The following DHRS12 variants were observed in gnomAD, a reference collection of about 807,000 sequenced individuals.
DHRS12 encodes dehydrogenase/reductase SDR family member 12.
A neutral mutation model predicts 32.1 loss-of-function variants in DHRS12; 29 were observed. The observed-to-expected ratio is 0.90, with a 90% CI of 0.67 to 1.23. The LOEUF is 1.23. Among genes scored for constraint, DHRS12 ranks in the 50% most tolerant of loss-of-function variants. The pLI is 0.00. For synonymous variants in DHRS12, 150 were observed against 135.9 expected, an observed-to-expected ratio of 1.10 and a Z score of -0.72; for missense variants, 330 against 337.2, an observed-to-expected ratio of 0.98 and a Z score of 0.17.
the DHRS12 span, among the ~76,000 whole-genome samples, chr13:51,757,136 C>A: frequency 6.6e-6 from 1 of 152,096 alleles, no homozygotes; most frequent in African/African-American, 2.4e-5. Context: ...CCTTCCAGCA[C>A]CTTGTATTAC....
At chr13:51,799,298 A>G (rs1955646992) in intron 2 of DHRS12, among the ~76,000 whole-genome samples, 1 of 152,158 alleles carries the variant, frequency 6.6e-6, no homozygotes, top group East Asian at 1.9e-4. Context: ...AAACACTGGG[A>G]CACGTGGGCA....
intron 2 of DHRS12, chr13:51,797,885 G>T (rs774083307): frequency 7.2e-6 from 11 of 1,535,906 alleles, no homozygotes; most frequent in Non-Finnish European, 9.6e-6. Context: ...GCTTGATCTC[G>T]ACAAACCAGG....
rs76157480 is a variant in DHRS12 at position 51,790,224 on chromosome 13, G to A, written c.220-132C>T. ...AGTGACAATGACAATTTGCTCAACT[G>A]ATTCTTTACTCCAAACCCTTTGCAG... On this transcript the variant is annotated intron_variant, in intron 3 of 8. Transcript: ENST00000444610. 17 of 650,996 alleles carry A rather than the reference G, an allele frequency of 2.6e-5. No individual in the cohort carries two copies. The African/African-American group carries it at 2.6e-4, about 10-fold the overall frequency. The allele number at this position is 650,996 out of a possible 1,614,324, so 40.3% of individuals were successfully genotyped here. A position where few individuals can be genotyped will look rare whatever the true frequency, so the allele number is the denominator to read the frequency against.
Position 51,768,014 on chromosome 13 carries a change from G to T in DHRS12, c.*173C>A. On this transcript the variant is annotated 3_prime_UTR_variant, in exon 9 of 9. Coordinates refer to ENST00000444610, the MANE Select transcript of DHRS12 (RefSeq NM_001377533.1). ...GGAGTTCAAGGTGAGCCTGATCACA[G>T]CCTCGGTAGTATTTATTTTGAAATA... is the stretch of plus-strand genomic sequence containing the variant. 2 of 1,421,180 alleles carry T rather than the reference G, an allele frequency of 1.4e-6. No individual in the cohort carries two copies. The highest frequency in any genetic ancestry group is 1.8e-6 in the Non-Finnish European group (2 of 1,091,900). 88.0% of individuals were successfully genotyped at this position (1,421,180 alleles called of 1,614,324 possible). A position where few individuals can be genotyped will look rare whatever the true frequency, so the allele number is the denominator to read the frequency against.
rs562616967 is a variant in DHRS12 at position 51,802,685 on chromosome 13, G to T, written c.-9+1369C>A. Among the ~76,000 whole-genome samples the T allele has an allele frequency of 3.9e-5, 6 of 152,230 alleles. No homozygotes were observed. The South Asian group carries it at 8.3e-4, about 21-fold the overall frequency. On this transcript the variant is annotated intron_variant, in intron 1 of 8. Transcript: ENST00000444610. ...TAAAAATCCTTGTGCCAAGAGAAACGTTGTAAACTCTAACTCCGCGCTCTC... is the reference window on the plus strand; with the variant it reads ...TAAAAATCCTTGTGCCAAGAGAAACTTTGTAAACTCTAACTCCGCGCTCTC...
chr13:51,784,428 G>A (rs1168175306), intron 4 of DHRS12, among the ~76,000 whole-genome samples: 2 of 152,188 alleles, frequency 1.3e-5, no homozygotes, highest in Non-Finnish European at 2.9e-5. Context: ...CCAGTGCCAA[G>A]TTCCAAAATA....
the DHRS12 span, chr13:51,758,216 T>C: frequency 1.3e-6 from 2 of 1,589,100 alleles, no homozygotes; most frequent in Non-Finnish European, 1.7e-6. Context: ...CCACCTTCCA[T>C]GACAGTAAAC....
chr13:51,777,360 G>T (rs993284888), intron 4 of DHRS12: 17 of 528,910 alleles, frequency 3.2e-5, no homozygotes, highest in African/African-American at 3.0e-4. Flanking sequence ...CACACTACAG[G>T]AATACAGGAA....
Position 51,786,442 on chromosome 13 carries a change from T to C in DHRS12, c.301+3569A>G, listed in dbSNP as rs569823892. 3.3e-5 allele frequency among the ~76,000 whole-genome samples: 5 copies of C among 152,206 alleles called. No homozygotes were observed. In the South Asian group the frequency reaches 1.0e-3, roughly 32 times the overall value. ...ACTGAATGCTAACAGGCAAAACGTA[T>C]GTGACTGGAGGAGACCTGAAACAAA... On this transcript the variant is annotated intron_variant, in intron 4 of 8. Coordinates refer to ENST00000444610, the MANE Select transcript of DHRS12 (RefSeq NM_001377533.1).
intron 7 of DHRS12, among the ~76,000 whole-genome samples, chr13:51,769,867 C>T (rs577783874): frequency 1.3e-5 from 2 of 152,378 alleles, no homozygotes; most frequent in South Asian, 2.1e-4. Context: ...AGTAGCCTCC[C>T]GGGCCTGGCC....
intron 2 of DHRS12, among the ~76,000 whole-genome samples, chr13:51,794,613 G>A (rs552717484): frequency 2.6e-5 from 4 of 152,092 alleles, no homozygotes; most frequent in African/African-American, 9.7e-5. Context: ...GAGGCCTGCA[G>A]GACTGAAAAA....
At chr13:51,791,974 C>T (rs1288403689) in intron 2 of DHRS12, among the ~76,000 whole-genome samples, 3 of 152,176 alleles carry the variant, frequency 2.0e-5, no homozygotes, top group Non-Finnish European at 4.4e-5. Context: ...AGGTATGTAC[C>T]ACATTTTCTT....
At chr13:51,761,353 C>T in the DHRS12 span, 3 of 152,290 alleles carry the variant, frequency 2.0e-5, no homozygotes, top group African/African-American at 7.2e-5. Flanking sequence ...CTTATTTTCA[C>T]CTGTAAAAAT....
At chr13:51,799,693 A>G (rs1955665125) in intron 1 of DHRS12, 26 bp from the exon 2 acceptor site, 1 of 1,611,458 alleles carries the variant, frequency 6.2e-7, no homozygotes, top group Admixed American at 1.7e-5. Context: ...CCACAGGAAG[A>G]CCAGCTGTAA....
chr13:51,788,080 A>G (rs1367701789), intron 4 of DHRS12, among the ~76,000 whole-genome samples: 1 of 151,046 alleles, frequency 6.6e-6, no homozygotes, highest in Non-Finnish European at 1.5e-5. Context: ...AAAGCCCAGT[A>G]CTTGGAAGGA....
chr13:51,782,932 C>T lies in DHRS12; in HGVS notation c.302-5811G>A, dbSNP rs190819582. Among the ~76,000 whole-genome samples the T allele has an allele frequency of 2.6e-5, 4 of 152,240 alleles. No homozygotes were observed. The highest frequency in any genetic ancestry group is 4.4e-5 in the Non-Finnish European group (3 of 68,000). ...CCACAGGAGGACTTGGATTTGGGGC[C>T]GGTGCTCCTAGGCCAGAAGACCTAG... On this transcript the variant is annotated intron_variant, in intron 4 of 8. Coordinates refer to ENST00000444610, the MANE Select transcript of DHRS12 (RefSeq NM_001377533.1). The surrounding 1 kb of genome is among the most constrained non-coding windows in gnomAD (Gnocchi z 4.2).
intron 5 of DHRS12, chr13:51,774,443 C>T (rs1442646727): frequency 8.8e-6 from 1 of 113,318 alleles, no homozygotes; most frequent in Non-Finnish European, 1.7e-5. Context: ...TACATGTATT[C>T]TCCTACAGTA....
At chr13:51,801,226 G>A (rs1191666145) in intron 1 of DHRS12, among the ~76,000 whole-genome samples, 2 of 152,244 alleles carry the variant, frequency 1.3e-5, no homozygotes, top group East Asian at 1.9e-4. Context: ...CCACCCTGTC[G>A]CCCAGGATGG....
chr13:51,804,008 G>C (rs545729042), intron 1 of DHRS12, 46 bp downstream of exon 1: 16 of 1,436,572 alleles, frequency 1.1e-5, no homozygotes, highest in Non-Finnish European at 1.4e-5. Flanking sequence ...CGCCGAGGCG[G>C]GCCACGTGAC....
Sources: allele counts gnomAD v4.1 joint callset (sites outside exome capture counted in the v4.1 genomes callset), GRCh38; gene constraint gnomAD v4.1.1; non-coding constraint Gnocchi (gnomAD v3.1); transcripts MANE v1.5; gene names NCBI Gene and HGNC (gene_info 2026-07-23, HGNC 2026-07-21).